Variants in CTNNA2 observed in about 807,000 individuals in gnomAD.
CTNNA2 encodes the protein catenin alpha 2, also known as catenin alpha-2.
CTNNA2 carries 42 observed loss-of-function variants against 101.0 expected under a neutral mutation model. The ratio of observed to expected loss-of-function variants is 0.42; its 90% confidence interval spans 0.32 to 0.54. CTNNA2 has a LOEUF of 0.54. CTNNA2 is among the 20% of genes least tolerant of loss of function. CTNNA2 has a pLI of 0.14. For synonymous variants in CTNNA2, 450 were observed against 456.4 expected (o/e 0.99, Z 0.18); for missense variants, 871 against 1,223.1 (o/e 0.71, Z 4.29).
intron 7 of CTNNA2, among the ~76,000 whole-genome samples, chr2:80,314,162 A>G (rs1677877973): frequency 6.6e-6 from 1 of 152,216 alleles, no homozygotes; most frequent in Admixed American, 6.5e-5. Flanking sequence ...AAGAAAGATT[A>G]GAATACCAGC....
At chr2:79,652,058 A>G (rs1226744393) in intron 2 of CTNNA2, among the ~76,000 whole-genome samples, 3 of 152,206 alleles carry the variant, frequency 2.0e-5, no homozygotes, top group African/African-American at 4.8e-5. Context: ...TTTACAAAGC[A>G]GAATTCATCC....
intron 7 of CTNNA2, among the ~76,000 whole-genome samples, chr2:80,183,862 TAAG>T (rs199827183): frequency 0.01 from 1,471 of 146,374 alleles, 20 homozygotes; most frequent in African/African-American, 0.035. Flanking sequence ...CGATTAAACG[TAAG>T]AAGAAGTGTG....
intron 2 of CTNNA2, among the ~76,000 whole-genome samples, chr2:79,715,613 T>A (rs1686042124): frequency 6.6e-6 from 1 of 152,144 alleles, no homozygotes. Context: ...CTTCACAGTG[T>A]GGGAACACTG....
At chr2:79,337,702 T>C (rs1170776515) in intron 3 of CTNNA2, among the ~76,000 whole-genome samples, 1 of 152,158 alleles carries the variant, frequency 6.6e-6, no homozygotes, top group East Asian at 1.9e-4. Context: ...CAAGTATTTA[T>C]CAAGTATTTA....
At chr2:79,616,942 C>A (rs1055315154) in intron 1 of CTNNA2, among the ~76,000 whole-genome samples, 3 of 150,906 alleles carry the variant, frequency 2.0e-5, no homozygotes, top group Admixed American at 6.6e-5. Flanking sequence ...TGCTCCGTCA[C>A]CCAGGCTGGG....
At chr2:79,793,020 T>C (rs958743213) in intron 3 of CTNNA2, among the ~76,000 whole-genome samples, 4 of 152,216 alleles carry the variant, frequency 2.6e-5, no homozygotes, top group African/African-American at 9.6e-5. Context: ...TATCAATATT[T>C]TATGCATTAT....
intron 2 of CTNNA2, among the ~76,000 whole-genome samples, chr2:79,235,081 C>A (rs1340517099): frequency 6.6e-6 from 1 of 152,152 alleles, no homozygotes; most frequent in Admixed American, 6.6e-5. Context: ...TGTCTGTTTG[C>A]AGGTAAGGGG....
rs549686667 is a variant in CTNNA2 at position 80,438,724 on chromosome 2, C to G, written c.1290+19123C>G. Among the ~76,000 whole-genome samples the G allele has an allele frequency of 2.6e-5, 4 of 152,254 alleles. No individual in the cohort carries two copies. The East Asian group carries it at 7.7e-4, about 29-fold the overall frequency. Reference sequence around the variant, plus strand: ...GCTGTTGCAGTGAGTCGAGATCCAACTAGTGATACTCCTCATTCCATCTGT... The same window carrying G: ...GCTGTTGCAGTGAGTCGAGATCCAAGTAGTGATACTCCTCATTCCATCTGT... On this transcript the variant is annotated intron_variant, in intron 9 of 18. Transcript: ENST00000402739.
At chr2:80,485,326 T>C (rs1226560064) in intron 9 of CTNNA2, among the ~76,000 whole-genome samples, 2 of 152,178 alleles carry the variant, frequency 1.3e-5, no homozygotes, top group Non-Finnish European at 2.9e-5. Flanking sequence ...ATACCTTTAC[T>C]CTTACATTGA....
At chr2:80,451,530 C>T (rs900435589) in intron 9 of CTNNA2, among the ~76,000 whole-genome samples, 2 of 152,160 alleles carry the variant, frequency 1.3e-5, no homozygotes, top group Admixed American at 6.5e-5. Flanking sequence ...TGACCCCTGG[C>T]CTCATGTGCA....
chr2:79,544,152 G>T (rs1034135475), intron 1 of CTNNA2, among the ~76,000 whole-genome samples: 21 of 152,156 alleles, frequency 1.4e-4, no homozygotes, highest in Non-Finnish European at 7.4e-5. Context: ...TGGCCAGGCT[G>T]GTCTCAAACT....
chr2:80,315,348 G>A (rs949667185), intron 7 of CTNNA2, among the ~76,000 whole-genome samples: 1 of 152,210 alleles, frequency 6.6e-6, no homozygotes, highest in Admixed American at 6.5e-5. Context: ...TGTTGGCTGA[G>A]TATAACTTCT....
intron 7 of CTNNA2, among the ~76,000 whole-genome samples, chr2:79,921,794 T>A (rs1374387700): frequency 6.6e-6 from 1 of 152,188 alleles, no homozygotes; most frequent in East Asian, 1.9e-4. Context: ...CACCTTGAAT[T>A]GAGCTTTCGT....
At chr2:80,197,642 C>T (rs575062786) in intron 7 of CTNNA2, among the ~76,000 whole-genome samples, 1 of 152,286 alleles carries the variant, frequency 6.6e-6, no homozygotes, top group Non-Finnish European at 1.5e-5. Flanking sequence ...ACTTCTCCAT[C>T]CTCTCTACAG....
intron 1 of CTNNA2, among the ~76,000 whole-genome samples, chr2:79,598,876 C>G (rs954923799): frequency 3.3e-5 from 5 of 152,106 alleles, no homozygotes; most frequent in African/African-American, 1.2e-4. Flanking sequence ...ATATCATTGT[C>G]ATGCTCAAGG....
chr2:80,384,574 C>T (rs1161356961), intron 7 of CTNNA2, among the ~76,000 whole-genome samples: 1 of 151,264 alleles, frequency 6.6e-6, no homozygotes, highest in East Asian at 1.9e-4. Flanking sequence ...ACAAAGGATG[C>T]TGTGGCATTC....
chr2:79,262,972 T>C (rs925136406), intron 2 of CTNNA2, among the ~76,000 whole-genome samples: 3 of 152,112 alleles, frequency 2.0e-5, no homozygotes, highest in South Asian at 2.1e-4. Flanking sequence ...CTGGGTAACA[T>C]AGTGAAAGGC....
intron 14 of CTNNA2, among the ~76,000 whole-genome samples, chr2:80,583,875 C>T (rs928048022): frequency 1.3e-5 from 2 of 152,014 alleles, no homozygotes; most frequent in African/African-American, 4.8e-5. Flanking sequence ...TTTTTTTCAG[C>T]ATGAATTATA....
intron 3 of CTNNA2, among the ~76,000 whole-genome samples, chr2:79,315,504 C>T (rs1418680334): frequency 2.0e-5 from 3 of 152,156 alleles, no homozygotes; most frequent in Admixed American, 2.0e-4. Flanking sequence ...TCTTACAATG[C>T]ATGGTCTTTT....
Sources: allele counts gnomAD v4.1 joint callset (sites outside exome capture counted in the v4.1 genomes callset), GRCh38; gene constraint gnomAD v4.1.1; transcripts MANE v1.5; gene names NCBI Gene and HGNC (gene_info 2026-07-23, HGNC 2026-07-21).